Variants in DDX11 observed in about 807,000 individuals in gnomAD.
DDX11 encodes DEAD/H-box helicase 11, also known as ATP-dependent DNA helicase DDX11.
Under a neutral mutation model 125.2 loss-of-function variants are expected in DDX11, and 72 were observed. The observed-to-expected ratio is 0.58, with a 90% CI of 0.48 to 0.70. The LOEUF is 0.70. DDX11 is among the 30% of genes least tolerant of loss of function. The pLI is 0.00. For missense variants in DDX11, 883 were observed against 1,165.0 expected (o/e 0.76, Z 3.52); for synonymous variants, 347 against 452.6 (o/e 0.77, Z 2.96).
At position 31,102,316 on chromosome 12, in the gene DDX11, G is replaced by C. The variant is rs199779676; in HGVS notation, c.2271+5G>C. On this transcript the variant is annotated splice_donor_5th_base_variant and intron_variant, in intron 22 of 26. Coordinates refer to ENST00000542838, the MANE Select transcript of DDX11 (RefSeq NM_030653.4). ...GCATATTCCAGGTGCATCCAGGTGC[G>C]GGCGTCATGCTGGGCTTGGGTCTGA... is the stretch of plus-strand genomic sequence containing the variant. The C allele has an allele frequency of 5.6e-6, 9 of 1,613,728 alleles. No individual in the cohort carries two copies. In the African/African-American group the frequency reaches 1.2e-4, roughly 22 times the overall value.
intron 15 of DDX11, 50 bp from the exon 16 acceptor site, chr12:31,096,587 C>T (rs373996471): frequency 4.4e-6 from 7 of 1,604,112 alleles, no homozygotes; most frequent in Non-Finnish European, 6.0e-6. Flanking sequence ...CAGCCTCTCT[C>T]TCATGGCTGT....
chr12:31,092,832 T>A lies in DDX11; in HGVS notation c.1243-14T>A. 6.2e-7 allele frequency: 1 copy of A among 1,613,656 alleles called. No homozygotes were observed. Among genetic ancestry groups the A allele is most frequent in the Non-Finnish European group, 8.5e-7 (1 of 1,179,600 alleles). Reference sequence around the variant, plus strand: ...AGCTGCTTGCTCAGAGCCTGGTTTGTGTTCTTTCCCCAGCTCTGCCAGGCC... The same window carrying A: ...AGCTGCTTGCTCAGAGCCTGGTTTGAGTTCTTTCCCCAGCTCTGCCAGGCC... On this transcript the variant is annotated splice_polypyrimidine_tract_variant and intron_variant, in intron 10 of 26. Transcript: ENST00000542838.
chr12:31,093,077 T>G (rs1592717312), intron 11 of DDX11, among the ~76,000 whole-genome samples, 168 bp from the exon 12 acceptor site: 1 of 152,058 alleles, frequency 6.6e-6, no homozygotes, highest in East Asian at 1.9e-4. Context: ...GGCTGGGGAC[T>G]GACCGCTGGC....
At chr12:31,089,269 G>C in intron 7 of DDX11, 118 bp downstream of exon 7, 1 of 1,336,724 alleles carries the variant, frequency 7.5e-7, no homozygotes, top group South Asian at 1.2e-5. Flanking sequence ...CGTGTGAGGA[G>C]CAGCCCCCTC....
Position 31,089,987 on chromosome 12 carries a change from G to T in DDX11, c.982G>T (p.Asp328Tyr). The change falls in exon 9 of 27, where the codon GAT (aspartate) becomes TAT (tyrosine). Residue 328 changes from aspartate (D) to tyrosine (Y), a missense_variant. Physicochemically the swap from Asp to Tyr is radical, Grantham distance 160. Around this residue, in one of 5 missense-constraint regions of DDX11, gnomAD observed 72 missense variants for 159.7 expected, o/e 0.45. Coordinates refer to ENST00000542838, the MANE Select transcript of DDX11 (RefSeq NM_030653.4). Reference sequence around the variant, plus strand: ...CCACGAGCAGATGGGCCTTCTCCGGGATGAGGCCCTGGCAGAGGTGAAGGA... The same window carrying T: ...CCACGAGCAGATGGGCCTTCTCCGGTATGAGGCCCTGGCAGAGGTGAAGGA... ...YNHEQMGLLR[D>Y]EALAEVKDME... The T allele has an allele frequency of 1.9e-6, 3 of 1,582,528 alleles. No individual in the cohort carries two copies. The South Asian group carries it at 3.4e-5, about 18-fold the overall frequency.
intron 3 of DDX11, 87 bp downstream of exon 3, chr12:31,084,148 T>A (rs781573857): frequency 2.6e-6 from 4 of 1,549,198 alleles, no homozygotes; most frequent in Non-Finnish European, 3.6e-6. Context: ...ACTCAGGCAG[T>A]GCATGCTCCC....
chr12:31,074,816 T>C (rs1400395949), intron 1 of DDX11, among the ~76,000 whole-genome samples: 1 of 152,174 alleles, frequency 6.6e-6, no homozygotes, highest in African/African-American at 2.4e-5. Flanking sequence ...ATACGGTAGA[T>C]AGTACCTGCC....
At position 31,103,748 on chromosome 12, in the gene DDX11, T is replaced by C. The variant is rs572400907; in HGVS notation, c.2691+17T>C. The C allele has an allele frequency of 8.7e-6, 14 of 1,613,670 alleles. No homozygotes were observed. Among genetic ancestry groups the C allele is most frequent in the Admixed American group, 3.3e-5 (2 of 60,022 alleles). ...GTGCAGAAGGTCAGTCCTACCTTTTTCTTTCTGAGAGCCTCCCCACCCCGA... is the reference window on the plus strand; with the variant it reads ...GTGCAGAAGGTCAGTCCTACCTTTTCCTTTCTGAGAGCCTCCCCACCCCGA... On this transcript the variant is annotated intron_variant, in intron 26 of 26. Transcript: ENST00000542838.
chr12:31,075,569 G>GA (rs1940582739), intron 1 of DDX11, among the ~76,000 whole-genome samples: 1 of 151,984 alleles, frequency 6.6e-6, no homozygotes, highest in South Asian at 2.1e-4. Flanking sequence ...GGGGTTATCT[G>GA]AAAACGGTTT....
chr12:31,087,749 C>CT (rs1943410962), intron 5 of DDX11, 189 bp from the exon 6 acceptor site: 2 of 955,920 alleles, frequency 2.1e-6, no homozygotes, highest in Admixed American at 4.0e-5. Context: ...ACCCACAGAC[C>CT]TGAGCGGCCA....
At chr12:31,093,041 G>A in intron 11 of DDX11, 149 bp downstream of exon 11, 1 of 993,104 alleles carries the variant, frequency 1.0e-6, no homozygotes, top group Non-Finnish European at 1.6e-6. Context: ...GGCACATCAT[G>A]GTGTGTGCTG....
In DDX11 at chr12:31,103,792, C is replaced by G; in HGVS notation, c.2692-15C>G. 6.2e-7 allele frequency: 1 copy of G among 1,613,844 alleles called. No homozygotes were observed. Among genetic ancestry groups the G allele is most frequent in the Non-Finnish European group, 8.5e-7 (1 of 1,179,876 alleles). On this transcript the variant is annotated splice_polypyrimidine_tract_variant and intron_variant, in intron 26 of 26. Coordinates refer to ENST00000542838, the MANE Select transcript of DDX11 (RefSeq NM_030653.4). ...ACCCCGAGATCACATTTCTCACTGC[C>G]TTCTGTCTGCCCAGTTTCACCGGGA... is the stretch of plus-strand genomic sequence containing the variant.
At chr12:31,084,178 CA>C (rs1942587163) in intron 3 of DDX11, 117 bp downstream of exon 3, 1 of 1,388,196 alleles carries the variant, frequency 7.2e-7, no homozygotes, top group Admixed American at 1.7e-5. Flanking sequence ...CCGTGCCTCT[CA>C]GCTCTTCCCT....
Position 31,096,923 on chromosome 12 carries a change from C to T in DDX11, c.1695C>T (p.His565=), listed in dbSNP as rs1731046436. ...TGCGACCAGCTTCTCCACTGATGCA[C>T]ATCCAAGGCTTCCTGGCAGCTCTCA... ...STLRPASPLM[H]IQGFLAALTT... The change falls in exon 17 of 27, where the codon CAC becomes CAT. Residue 565 remains histidine, a synonymous_variant. Coordinates refer to ENST00000542838, the MANE Select transcript of DDX11 (RefSeq NM_030653.4). 5 of 1,614,162 alleles carry T rather than the reference C, an allele frequency of 3.1e-6. No homozygotes were observed. Among genetic ancestry groups the T allele is most frequent in the Non-Finnish European group, 4.2e-6 (5 of 1,180,026 alleles).
At chr12:31,090,136 C>A in intron 9 of DDX11, 42 bp downstream of exon 9, 1 of 1,547,762 alleles carries the variant, frequency 6.5e-7, no homozygotes, top group Non-Finnish European at 8.7e-7. Context: ...TTGACTCTCA[C>A]TGTGGTCTAG....
At chr12:31,086,698 G>A (rs1194517042) in intron 5 of DDX11, among the ~76,000 whole-genome samples, 2 of 151,766 alleles carry the variant, frequency 1.3e-5, no homozygotes, top group African/African-American at 2.4e-5. Flanking sequence ...GTCTGGGCAA[G>A]AGCCATGGAT....
At chr12:31,093,035 C>T (rs1321498799) in intron 11 of DDX11, 143 bp downstream of exon 11, 1 of 1,008,490 alleles carries the variant, frequency 9.9e-7, no homozygotes, top group African/African-American at 1.6e-5. Flanking sequence ...GTCCTAGGCA[C>T]ATCATGGTGT....
rs142783476 is a variant in DDX11 at position 31,086,976 on chromosome 12, T to C, written c.639-962T>C. 2.3e-3 allele frequency among the ~76,000 whole-genome samples: 290 copies of C among 128,574 alleles called. 21 individuals are homozygous for C. Among genetic ancestry groups the C allele is most frequent in the African/African-American group, 9.0e-3 (276 of 30,786 alleles). 84.3% of individuals were successfully genotyped at this position (128,574 alleles called of 152,430 possible). ...TAGCCCAAGACAATTGTATTCTGTT[T>C]TGTTAGAAAGGAATTTCGAGGTGAA... On this transcript the variant is annotated intron_variant, in intron 5 of 26. Coordinates refer to ENST00000542838, the MANE Select transcript of DDX11 (RefSeq NM_030653.4).
rs754860102 is a variant in DDX11, at chr12:31,101,091, G to A, written c.2013G>A (p.Pro671=). Residue 671 remains proline (P), a synonymous_variant, in exon 20 of 27, where the codon CCG becomes CCA. Coordinates refer to ENST00000542838, the MANE Select transcript of DDX11 (RefSeq NM_030653.4). ...TCTGCAGCGGGATCTCCAACCAGCC[G>A]CTGGAATTCACGTTCCAGAAAAGAG... The part of the protein sequence containing the change: ...LVICSGISNQ[P]LEFTFQKREL... 89 of 1,614,062 alleles carry A rather than the reference G, an allele frequency of 5.5e-5. No individual in the cohort carries two copies. The highest frequency in any genetic ancestry group is 1.3e-4 in the Admixed American group (8 of 60,010).
Sources: gnomAD v4.1 joint callset for allele counts (sites outside exome capture counted in the v4.1 genomes callset) on GRCh38, gnomAD v4.1.1 for gene constraint, gnomAD v4.1.1 regional missense constraint, MANE v1.5 for transcripts, NCBI Gene and HGNC (gene_info 2026-07-23, HGNC 2026-07-21) for gene names.